INTS12: variants seen among roughly 807,000 people sequenced by gnomAD.
The protein encoded by INTS12 is integrator complex subunit 12, also known as PHD finger protein 22.
In INTS12, 13 loss-of-function variants were observed where a neutral mutation model predicts 41.6. The ratio of observed to expected loss-of-function variants is 0.31; its 90% CI spans 0.20 to 0.50. INTS12 has a LOEUF of 0.50. INTS12 is among the 20% of genes least tolerant of loss of function. INTS12 has a pLI of 0.98. For missense variants in INTS12, 432 were observed against 541.6 expected, an observed-to-expected ratio of 0.80 and a Z score of 2.01; for synonymous variants, 199 against 191.4, an observed-to-expected ratio of 1.04 and a Z score of -0.33.
intron 1 of INTS12, among the ~76,000 whole-genome samples, chr4:105,707,677 T>C (rs1560785451): frequency 6.6e-6 from 1 of 152,256 alleles, no homozygotes; most frequent in Non-Finnish European, 1.5e-5. Flanking sequence ...TTCGCCTGTC[T>C]TGCTTAATTC....
rs756319736 is a variant in INTS12, at chr4:105,695,540, T to A, written c.285A>T (p.Glu95Asp). Reference sequence around the variant, plus strand: ...CTTTATCAGCAGGTCTCTTTTCAGCTTCCTTCTTTACCTTTTCAGTTGTGA... The same window carrying A: ...CTTTATCAGCAGGTCTCTTTTCAGCATCCTTCTTTACCTTTTCAGTTGTGA... ...KVLTTEKVKK[E>D]AEKRPADKMK... is the part of the protein sequence containing the mutation. Residue 95 changes from glutamate to aspartate, a missense_variant, in exon 4 of 8, where the codon GAA becomes GAT. Around this residue, in one of 3 missense-constraint regions of INTS12, gnomAD observed 168 missense variants for 198.9 expected, o/e 0.84. Coordinates refer to ENST00000340139, the MANE Select transcript of INTS12 (RefSeq NM_020395.4). 6.2e-7 allele frequency: 1 copy of A among 1,606,644 alleles called. No homozygotes were observed. The highest frequency in any genetic ancestry group is 1.1e-5 in the South Asian group (1 of 88,780).
At chr4:105,702,696 T>A (rs1578392517) in intron 2 of INTS12, among the ~76,000 whole-genome samples, 1 of 152,292 alleles carries the variant, frequency 6.6e-6, no homozygotes, top group Non-Finnish European at 1.5e-5. Context: ...ATTTATTCAT[T>A]TCTCTATTCC....
At chr4:105,700,050 A>G (rs755393408) in intron 2 of INTS12, 36 bp from the exon 3 acceptor site, 1 of 1,349,326 alleles carries the variant, frequency 7.4e-7, no homozygotes, top group Non-Finnish European at 9.9e-7. Flanking sequence ...CTAGAAGACA[A>G]TGCACAATTA....
At chr4:105,689,192 C>T (rs182204553) in intron 6 of INTS12, among the ~76,000 whole-genome samples, 26 of 152,298 alleles carry the variant, frequency 1.7e-4, no homozygotes, top group Admixed American at 1.7e-3. Context: ...GAAGAATAAC[C>T]TTGGACCCTG....
At chr4:105,695,941 C>T (rs1731847938) in intron 3 of INTS12, among the ~76,000 whole-genome samples, 2 of 152,068 alleles carry the variant, frequency 1.3e-5, no homozygotes, top group Admixed American at 1.3e-4. Flanking sequence ...GCAACCTCTG[C>T]CTCCTGGGTT....
chr4:105,698,773 A>G (rs1310763958), intron 3 of INTS12, among the ~76,000 whole-genome samples: 1 of 152,242 alleles, frequency 6.6e-6, no homozygotes, highest in Non-Finnish European at 1.5e-5. Flanking sequence ...TAGTATTGAA[A>G]GAAGGCTGGG....
At chr4:105,695,188 C>T (rs1297801293) in intron 4 of INTS12, among the ~76,000 whole-genome samples, 2 of 152,118 alleles carry the variant, frequency 1.3e-5, no homozygotes, top group African/African-American at 4.8e-5. Flanking sequence ...CTCGGCCTCC[C>T]AAAGTGTATC....
intron 2 of INTS12, among the ~76,000 whole-genome samples, chr4:105,702,266 G>C (rs1732107358): frequency 6.6e-6 from 1 of 150,606 alleles, no homozygotes; most frequent in Non-Finnish European, 1.5e-5. Flanking sequence ...CTCCCGAGTA[G>C]CTGGGACTAC....
intron 1 of INTS12, among the ~76,000 whole-genome samples, chr4:105,704,412 G>C (rs1398888636): frequency 2.0e-5 from 3 of 152,176 alleles, no homozygotes; most frequent in Admixed American, 2.0e-4. Flanking sequence ...TATCACGTCA[G>C]AACTTAGAAA....
chr4:105,686,701 T>C lies in INTS12; in HGVS notation c.795A>G (p.Thr265=). The C allele has an allele frequency of 6.2e-7, 1 of 1,611,052 alleles. No individual in the cohort carries two copies. Among genetic ancestry groups the C allele is most frequent in the African/African-American group, 1.3e-5 (1 of 74,816 alleles). Residue 265 remains threonine (T), a synonymous_variant, in exon 7 of 8, where the codon ACA becomes ACG. Transcript: ENST00000340139. ...QETTFLAFKR[T]EVKTSTVISG... ...ATAGAATCTACTATACCTTGACTTC[T>C]GTTCTCTTAAACGCTAGAAAAGTTG...
At chr4:105,699,061 A>C (rs190457315) in intron 3 of INTS12, among the ~76,000 whole-genome samples, 410 of 152,288 alleles carry the variant, frequency 2.7e-3, no homozygotes, top group Non-Finnish European at 4.8e-3. Context: ...CATTTACTGG[A>C]TCTCCTTCAA....
At chr4:105,695,387 C>T in intron 4 of INTS12, 129 bp downstream of exon 4, 1 of 617,770 alleles carries the variant, frequency 1.6e-6, no homozygotes, top group Non-Finnish European at 2.6e-6. Flanking sequence ...AATATATATT[C>T]ACTGAGTGTT....
intron 1 of INTS12, among the ~76,000 whole-genome samples, chr4:105,707,650 TAAAA>T (rs1732337711): frequency 6.6e-6 from 1 of 152,206 alleles, no homozygotes; most frequent in East Asian, 1.9e-4. Flanking sequence ...TTCCTATCTG[TAAAA>T]TTCTCACAAT....
chr4:105,699,783 A>G (rs1731994121), intron 3 of INTS12, 67 bp downstream of exon 3: 2 of 1,066,774 alleles, frequency 1.9e-6, no homozygotes, highest in East Asian at 2.6e-5. Context: ...GAGATGGTCT[A>G]TATGTTATCA....
At position 105,700,024 on chromosome 4, in the gene INTS12, A is replaced by T. The variant is rs776495050; in HGVS notation, c.-9-10T>A. Reference sequence around the variant, plus strand: ...CAGCCATTGCAAACGCCTGAAGGAAAAAAAGAGAAAGTAATCTAGAAGACA... The same window carrying T: ...CAGCCATTGCAAACGCCTGAAGGAATAAAAGAGAAAGTAATCTAGAAGACA... On this transcript the variant is annotated splice_polypyrimidine_tract_variant and intron_variant, in intron 2 of 7. Transcript: ENST00000340139. 1 of 1,458,658 alleles carries T rather than the reference A, an allele frequency of 6.9e-7. No homozygotes were observed. Among genetic ancestry groups the T allele is most frequent in the Non-Finnish European group, 9.2e-7 (1 of 1,090,224 alleles). The allele number at this position is 1,458,658 out of a possible 1,614,324, so 90.4% of individuals were successfully genotyped here.
intron 1 of INTS12, among the ~76,000 whole-genome samples, chr4:105,707,184 T>A (rs1178804799): frequency 6.6e-6 from 1 of 152,134 alleles, no homozygotes; most frequent in African/African-American, 2.4e-5. Flanking sequence ...AAGACCCTAT[T>A]CAAATACTTC....
rs549601306 is a variant in INTS12, at chr4:105,690,100, G to GAA, written c.657+1874_657+1875dup. Reference sequence around the variant, plus strand: ...GATGAAGAGAAGAAGCTGAGAAGCAGAAAATATGGGAACATGAAAGTTCTC... The same window carrying GAA: ...GATGAAGAGAAGAAGCTGAGAAGCAGAAAAAATATGGGAACATGAAAGTTCTC... On this transcript the variant is annotated intron_variant, in intron 6 of 7. Transcript: ENST00000340139. Among the ~76,000 whole-genome samples the GAA allele has an allele frequency of 8.5e-5, 13 of 152,264 alleles. No homozygotes were observed. In the South Asian group the frequency reaches 2.7e-3, roughly 32 times the overall value.
intron 1 of INTS12, chr4:105,705,441 A>G (rs1468502988): frequency 6.6e-6 from 1 of 152,270 alleles, no homozygotes. Flanking sequence ...AATAAGAGAA[A>G]TAAAGTGCAC....
intron 1 of INTS12, among the ~76,000 whole-genome samples, chr4:105,704,074 C>T (rs1732178716): frequency 6.6e-6 from 1 of 151,238 alleles, no homozygotes; most frequent in Non-Finnish European, 1.5e-5. Flanking sequence ...TATATTCAAA[C>T]ATCTTCTATC....
Sources: allele counts gnomAD v4.1 joint callset (sites outside exome capture counted in the v4.1 genomes callset), GRCh38; gene constraint gnomAD v4.1.1; regional missense constraint gnomAD v4.1.1; transcripts MANE v1.5; gene names NCBI Gene and HGNC (gene_info 2026-07-23, HGNC 2026-07-21).